The following POLR3H variants were observed in gnomAD, a reference collection of about 807,000 sequenced individuals.
POLR3H encodes the protein RNA polymerase III subunit H.
In POLR3H, 17 loss-of-function variants were observed where a neutral mutation model predicts 25.5. The observed-to-expected ratio is 0.67, with a 90% CI of 0.46 to 1.00. The LOEUF is 1.00. POLR3H is among the 50% of genes least tolerant of loss of function. The pLI is 0.00. For synonymous variants in POLR3H, 129 were observed against 103.0 expected, an observed-to-expected ratio of 1.25 and a Z score of -1.53; for missense variants, 274 against 265.0, an observed-to-expected ratio of 1.03 and a Z score of -0.24.
In POLR3H at chr22:41,528,493, C is replaced by A. The variant is rs778225027; in HGVS notation, c.*790G>T. 1.6e-5 allele frequency: 26 copies of A among 1,612,322 alleles called. No homozygotes were observed. The highest frequency in any genetic ancestry group is 2.1e-5 in the Non-Finnish European group (25 of 1,180,008). ...TCTCCTTGCAGCCCCTGAAGTGCAT[C>A]ATCAAGCACCCCAACGGGACCCAGG... On this transcript the variant is annotated 3_prime_UTR_variant, in exon 6 of 6. Coordinates refer to ENST00000355209, the MANE Select transcript of POLR3H (RefSeq NM_001018050.4).
At position 41,526,001 on chromosome 22, in the gene POLR3H, T is replaced by A; in HGVS notation, c.*3282A>T. On this transcript the variant is annotated 3_prime_UTR_variant, in exon 6 of 6. Transcript: ENST00000355209. ...TGAAGGGTGAGCGAACATTGACCTG[T>A]CCCAACTTTGGGCGGCCTCTGCCCC... 1 of 418,264 alleles carries A rather than the reference T, an allele frequency of 2.4e-6. No individual in the cohort carries two copies. The highest frequency in any genetic ancestry group is 4.3e-6 in the Non-Finnish European group (1 of 232,090). The allele number at this position is 418,264 out of a possible 1,614,324, so 25.9% of individuals were successfully genotyped here. A position where few individuals can be genotyped will look rare whatever the true frequency, so the allele number is the denominator to read the frequency against.
chr22:41,541,134 G>C (rs1283100560), intron 1 of POLR3H, among the ~76,000 whole-genome samples: 2 of 152,166 alleles, frequency 1.3e-5, no homozygotes, highest in East Asian at 3.8e-4. Context: ...AAAATAAAGA[G>C]AGATAACAGA....
At position 41,528,580 on chromosome 22, in the gene POLR3H, T is replaced by C. The variant is rs768310628; in HGVS notation, c.*703A>G. The C allele has an allele frequency of 5.6e-6, 9 of 1,612,552 alleles. No homozygotes were observed. The highest frequency in any genetic ancestry group is 7.6e-6 in the Non-Finnish European group (9 of 1,180,016). On this transcript the variant is annotated 3_prime_UTR_variant, in exon 6 of 6. Transcript: ENST00000355209. Reference sequence around the variant, plus strand: ...AGATTGAGTGGTTCCGCGCTGGCAGTGCCCTCAACAGAATGAAGGAACTGC... The same window carrying C: ...AGATTGAGTGGTTCCGCGCTGGCAGCGCCCTCAACAGAATGAAGGAACTGC...
At chr22:41,537,261 A>C (rs747833181) in intron 2 of POLR3H, among the ~76,000 whole-genome samples, 1 of 152,152 alleles carries the variant, frequency 6.6e-6, no homozygotes, top group East Asian at 1.9e-4. Flanking sequence ...ATATTTGATG[A>C]AGGAGGAAGG....
At position 41,530,904 on chromosome 22, in the gene POLR3H, G is replaced by A. The variant is rs1262800166; in HGVS notation, c.360-16C>T. On this transcript the variant is annotated splice_polypyrimidine_tract_variant and intron_variant, in intron 4 of 5. Coordinates refer to ENST00000355209, the MANE Select transcript of POLR3H (RefSeq NM_001018050.4). ...CGCTTCGTCGCTGAGGGGGTCCAGG[G>A]TCAAGGCAGCAACCAGATAGTGGGA... The A allele has an allele frequency of 6.2e-7, 1 of 1,612,992 alleles. No homozygotes were observed. The highest frequency in any genetic ancestry group is 2.2e-5 in the East Asian group (1 of 44,874).
At chr22:41,536,394 T>TA (rs903936252) in intron 2 of POLR3H, among the ~76,000 whole-genome samples, 5 of 150,330 alleles carry the variant, frequency 3.3e-5, no homozygotes, top group East Asian at 2.0e-4. Context: ...GACTCCATCT[T>TA]AAAAAAAATG....
chr22:41,529,639 C>A lies in POLR3H; in HGVS notation c.562-303G>T, dbSNP rs774655352. 5.9e-6 allele frequency: 4 copies of A among 680,788 alleles called. No homozygotes were observed. In the East Asian group the frequency reaches 1.2e-4, roughly 20 times the overall value. The allele number at this position is 680,788 out of a possible 1,614,324, so 42.2% of individuals were successfully genotyped here. On this transcript the variant is annotated intron_variant, in intron 5 of 5. Transcript: ENST00000355209. ...TCGTGGCAGGAAGGCTGAGCAAACA[C>A]AAGGCCCATGCTCCAGACGCATCCA... is the stretch of plus-strand genomic sequence containing the variant.
At chr22:41,537,819 T>C (rs964055594) in intron 2 of POLR3H, among the ~76,000 whole-genome samples, 2 of 152,118 alleles carry the variant, frequency 1.3e-5, no homozygotes, top group Admixed American at 1.3e-4. Flanking sequence ...TCCAACTTTT[T>C]TTTTTTGAGA....
At chr22:41,535,320 A>G (rs1186396707) in intron 2 of POLR3H, among the ~76,000 whole-genome samples, 1 of 152,254 alleles carries the variant, frequency 6.6e-6, no homozygotes, top group Non-Finnish European at 1.5e-5. Flanking sequence ...ATACAAAGCC[A>G]CTAAATTGTA....
chr22:41,536,033 G>A (rs970159542), intron 2 of POLR3H, among the ~76,000 whole-genome samples: 10 of 149,046 alleles, frequency 6.7e-5, no homozygotes, highest in Admixed American at 4.7e-4. Flanking sequence ...CTCGTGATCC[G>A]CCCGCCTCAG....
chr22:41,532,978 G>T (rs73420824), intron 2 of POLR3H, among the ~76,000 whole-genome samples: 2,293 of 152,282 alleles, frequency 0.015, 66 homozygotes, highest in African/African-American at 0.053. Context: ...ACTCACACCT[G>T]AGCCCAGATT....
chr22:41,538,352 T>C (rs2145565346), intron 2 of POLR3H, among the ~76,000 whole-genome samples: 1 of 152,048 alleles, frequency 6.6e-6, no homozygotes, highest in East Asian at 1.9e-4. Flanking sequence ...CCAGGAGATC[T>C]CCTGACCTCA....
rs1444050456 is a variant in POLR3H at position 41,526,430 on chromosome 22, C to T, written c.*2853G>A. 6.2e-7 allele frequency: 1 copy of T among 1,613,346 alleles called. No homozygotes were observed. Among genetic ancestry groups the T allele is most frequent in the Non-Finnish European group, 8.5e-7 (1 of 1,179,624 alleles). On this transcript the variant is annotated 3_prime_UTR_variant, in exon 6 of 6. Transcript: ENST00000355209. ...CGTCACTCAGGAGTTTGGCCCCGTC[C>T]CTGACACTGCCCGCTACTACAAGGT...
intron 5 of POLR3H, 199 bp from the exon 6 acceptor site, chr22:41,529,535 CCAGGGACTCCAGGCCCTGATAGGGT>C: frequency 1.5e-6 from 1 of 664,076 alleles, no homozygotes; most frequent in South Asian, 1.6e-5. Context: ...AGACCCTTCT[CCAGGGACTCCAGGCCCTGATAGGGT>C]CAGGGACCCT....
intron 2 of POLR3H, among the ~76,000 whole-genome samples, chr22:41,534,872 C>G (rs1453663646): frequency 7.4e-6 from 1 of 135,690 alleles, no homozygotes; most frequent in African/African-American, 2.9e-5. Flanking sequence ...CCAGCCTGGG[C>G]AACAAGAGTG....
rs1018321164 is a variant in POLR3H, at chr22:41,527,077, G to A, written c.*2206C>T. ...CTTCTTTGCCACTGCAAACAACCACGTGCCTCTGTCCCCTCGGGGCCTCGT... is the reference window on the plus strand; with the variant it reads ...CTTCTTTGCCACTGCAAACAACCACATGCCTCTGTCCCCTCGGGGCCTCGT... On this transcript the variant is annotated 3_prime_UTR_variant, in exon 6 of 6. Transcript: ENST00000355209. 9 of 657,130 alleles carry A rather than the reference G, an allele frequency of 1.4e-5. No individual in the cohort carries two copies. Among genetic ancestry groups the A allele is most frequent in the East Asian group, 2.8e-5 (1 of 35,750 alleles). The allele number at this position is 657,130 out of a possible 1,614,324, so 40.7% of individuals were successfully genotyped here. A position where few individuals can be genotyped will look rare whatever the true frequency, so the allele number is the denominator to read the frequency against.
intron 1 of POLR3H, among the ~76,000 whole-genome samples, chr22:41,541,173 C>T (rs1470937075): frequency 6.6e-6 from 1 of 152,142 alleles, no homozygotes; most frequent in Non-Finnish European, 1.5e-5. Flanking sequence ...GTACCTGGCT[C>T]GTGTATTGGA....
Position 41,526,670 on chromosome 22 carries a change from A to G in POLR3H, c.*2613T>C. ...GGTACAGCCGGGTCCCTGCACCAGG[A>G]GGAGTTAGTGAGAGATATCTTAGGA... On this transcript the variant is annotated 3_prime_UTR_variant, in exon 6 of 6. Transcript: ENST00000355209. 1 of 520,040 alleles carries G rather than the reference A, an allele frequency of 1.9e-6. No individual in the cohort carries two copies. The highest frequency in any genetic ancestry group is 3.4e-6 in the Non-Finnish European group (1 of 293,776). 32.2% of individuals were successfully genotyped at this position (520,040 alleles called of 1,614,324 possible). A position where few individuals can be genotyped will look rare whatever the true frequency, so the allele number is the denominator to read the frequency against.
Position 41,526,191 on chromosome 22 carries a change from CTCT to C in POLR3H, c.*3089_*3091del. 7.0e-7 allele frequency: 1 copy of C among 1,436,634 alleles called. No individual in the cohort carries two copies. Among genetic ancestry groups the C allele is most frequent in the Middle Eastern group, 2.5e-4 (1 of 3,922 alleles). The allele number at this position is 1,436,634 out of a possible 1,614,324, so 89.0% of individuals were successfully genotyped here. A position where few individuals can be genotyped will look rare whatever the true frequency, so the allele number is the denominator to read the frequency against. ...CTGGGCCCCGGGGCCTGCTGCCTGC[CTCT>C]GGAGGGCTTGTCATCCACCCCTCCA... On this transcript the variant is annotated 3_prime_UTR_variant, in exon 6 of 6. Coordinates refer to ENST00000355209, the MANE Select transcript of POLR3H (RefSeq NM_001018050.4).
Sources: gnomAD v4.1 joint callset for allele counts (sites outside exome capture counted in the v4.1 genomes callset) on GRCh38, gnomAD v4.1.1 for gene constraint, MANE v1.5 for transcripts, NCBI Gene and HGNC (gene_info 2026-07-23, HGNC 2026-07-21) for gene names.